The following HIP1 variants were observed in gnomAD, a reference collection of about 807,000 sequenced individuals.
HIP1 encodes huntingtin interacting protein 1.
In HIP1, 65 loss-of-function variants were observed where a neutral mutation model predicts 147.6. That is an observed-to-expected ratio of 0.44 (90% confidence interval 0.36 to 0.54). HIP1 has a LOEUF of 0.54. Ranked by LOEUF, HIP1 falls within the 20% of genes least tolerant of loss-of-function variation. The pLI is 0.00. For missense variants in HIP1, 1,061 were observed against 1,299.6 expected (o/e 0.82, Z 2.82); for synonymous variants, 479 against 504.0 (o/e 0.95, Z 0.67).
At chr7:75,574,977 G>T (rs1245332013) in intron 7 of HIP1, among the ~76,000 whole-genome samples, 1 of 151,392 alleles carries the variant, frequency 6.6e-6, no homozygotes, top group Non-Finnish European at 1.5e-5. Context: ...GAGCAACATG[G>T]CAAAACCTTA....
At chr7:75,696,956 C>G (rs782006015) in intron 1 of HIP1, among the ~76,000 whole-genome samples, 1 of 151,804 alleles carries the variant, frequency 6.6e-6, no homozygotes, top group African/African-American at 2.4e-5. Flanking sequence ...GGTCCTCCCC[C>G]CATCCCAAAA....
chr7:75,664,526 A>T lies in HIP1; in HGVS notation c.121-65279T>A, dbSNP rs1195061443. Among the ~76,000 whole-genome samples the T allele has an allele frequency of 2.0e-5, 3 of 150,712 alleles. No individual in the cohort carries two copies. The East Asian group carries it at 5.9e-4, about 29-fold the overall frequency. On this transcript the variant is annotated intron_variant, in intron 1 of 30. Coordinates refer to ENST00000336926, the MANE Select transcript of HIP1 (RefSeq NM_005338.7). ...TATATGTATGTGTATGTATACGTAT[A>T]CATACATATATACACATACATATAT...
At position 75,737,146 on chromosome 7, in the gene HIP1, G is replaced by T. The variant is rs544182881; in HGVS notation, c.120+1655C>A. ...TCAGTGTGTTGTCTAGGCAGGTATC[G>T]AACTCCTGGGATCAAGTGATCCTCC... On this transcript the variant is annotated intron_variant, in intron 1 of 30. Transcript: ENST00000336926. Among the ~76,000 whole-genome samples the T allele has an allele frequency of 3.3e-5, 5 of 152,140 alleles. No homozygotes were observed. The South Asian group carries it at 1.0e-3, about 32-fold the overall frequency.
rs782511140 is a variant in HIP1 at position 75,554,218 on chromosome 7, T to C, written c.2053A>G (p.Ile685Val). 1.6e-5 allele frequency: 25 copies of C among 1,612,622 alleles called. No individual in the cohort carries two copies. In the South Asian group the frequency reaches 1.6e-4, roughly 11 times the overall value. Residue 685 changes from isoleucine (I) to valine (V), a missense_variant and splice_region_variant, in exon 21 of 31, where the codon ATC (isoleucine) becomes GTC (valine). Transcript: ENST00000336926. The part of the protein sequence containing the change: ...WSQYLACPED[I>V]SGLLHSITLL... ...GTTATGGAATGGAGAAGTCCACTGATGTCTGCCAGGATTGGAAAGAGAAGT... is the reference window on the plus strand; with the variant it reads ...GTTATGGAATGGAGAAGTCCACTGACGTCTGCCAGGATTGGAAAGAGAAGT...
chr7:75,613,758 T>A (rs1554505465), intron 1 of HIP1, among the ~76,000 whole-genome samples: 1 of 152,156 alleles, frequency 6.6e-6, no homozygotes, highest in Non-Finnish European at 1.5e-5. Context: ...CTGCCTCACC[T>A]TCTGTTGCCC....
rs1318981932 is a variant in HIP1 at position 75,554,067 on chromosome 7, C to T, written c.2158+46G>A. The T allele has an allele frequency of 1.1e-5, 16 of 1,460,532 alleles. No homozygotes were observed. The East Asian group carries it at 2.8e-4, about 25-fold the overall frequency. The allele number at this position is 1,460,532 out of a possible 1,614,324, so 90.5% of individuals were successfully genotyped here. Reference sequence around the variant, plus strand: ...GCCCAACAGAGACTTTTAAAGGCCCCCTGCTCCCCTGGTCCATGAACAGCC... The same window carrying T: ...GCCCAACAGAGACTTTTAAAGGCCCTCTGCTCCCCTGGTCCATGAACAGCC... On this transcript the variant is annotated intron_variant, in intron 21 of 30. Coordinates refer to ENST00000336926, the MANE Select transcript of HIP1 (RefSeq NM_005338.7).
intron 1 of HIP1, among the ~76,000 whole-genome samples, chr7:75,688,742 C>A (rs1554517838): frequency 1.3e-5 from 2 of 152,166 alleles, no homozygotes; most frequent in African/African-American, 2.4e-5. Flanking sequence ...AGCTCTGCCC[C>A]CCAACAGCCA....
intron 2 of HIP1, among the ~76,000 whole-genome samples, chr7:75,597,776 C>T (rs191046255): frequency 3.3e-5 from 5 of 149,966 alleles, no homozygotes; most frequent in East Asian, 2.0e-4. Flanking sequence ...TCTGCTTGCC[C>T]GGAACTCCAC....
At chr7:75,627,680 T>C (rs2117114564) in intron 1 of HIP1, among the ~76,000 whole-genome samples, 1 of 152,318 alleles carries the variant, frequency 6.6e-6, no homozygotes, top group South Asian at 2.1e-4. Flanking sequence ...GCCAGAGAAC[T>C]GCCCATTTGA....
chr7:75,622,254 G>A (rs1371303018), intron 1 of HIP1, among the ~76,000 whole-genome samples: 2 of 150,472 alleles, frequency 1.3e-5, no homozygotes, highest in African/African-American at 4.9e-5. Flanking sequence ...TCTAGCCTGG[G>A]TGATAGAGTG....
chr7:75,684,698 A>C (rs1254329274), intron 1 of HIP1, among the ~76,000 whole-genome samples: 4 of 152,136 alleles, frequency 2.6e-5, no homozygotes, highest in Admixed American at 1.3e-4. Flanking sequence ...TTTACAATTA[A>C]AAATGAATTA....
intron 30 of HIP1, 104 bp downstream of exon 30, chr7:75,539,219 C>A: frequency 1.3e-6 from 1 of 745,270 alleles, no homozygotes. Flanking sequence ...AAGAAGCCAC[C>A]GATCTGGTGG....
In HIP1 at chr7:75,597,676, G is replaced by T. The variant is rs58422058; in HGVS notation, c.184+1508C>A. 1.7e-4 allele frequency among the ~76,000 whole-genome samples: 25 copies of T among 150,738 alleles called. No individual in the cohort carries two copies. In the East Asian group the frequency reaches 4.9e-3, roughly 29 times the overall value. ...GATCTCTTGAGCCTGGAAGGCGGAG[G>T]TTGCGGTGAGCTGAGATCATGCCAC... On this transcript the variant is annotated intron_variant, in intron 2 of 30. Transcript: ENST00000336926.
chr7:75,638,037 C>T (rs1168365545), intron 1 of HIP1, among the ~76,000 whole-genome samples: 1 of 137,684 alleles, frequency 7.3e-6, no homozygotes, highest in Non-Finnish European at 1.6e-5. Flanking sequence ...CACACACAGC[C>T]CACGACAGCT....
chr7:75,660,593 T>G (rs1554513461), intron 1 of HIP1, among the ~76,000 whole-genome samples: 1 of 152,112 alleles, frequency 6.6e-6, no homozygotes, highest in Non-Finnish European at 1.5e-5. Flanking sequence ...ATTACCAGAA[T>G]GCTACAGAGG....
chr7:75,645,857 C>T (rs1415041015), intron 1 of HIP1, among the ~76,000 whole-genome samples: 1 of 152,192 alleles, frequency 6.6e-6, no homozygotes, highest in Non-Finnish European at 1.5e-5. Flanking sequence ...CCAAATACTG[C>T]ATGTTCTCCC....
intron 4 of HIP1, among the ~76,000 whole-genome samples, chr7:75,591,725 A>C (rs1273658805): frequency 6.7e-6 from 1 of 149,882 alleles, no homozygotes; most frequent in African/African-American, 2.4e-5. Flanking sequence ...TCTCTACCAA[A>C]AAAAAAAAAA....
intron 1 of HIP1, among the ~76,000 whole-genome samples, chr7:75,679,275 G>A (rs916682028): frequency 5.3e-5 from 8 of 152,212 alleles, no homozygotes; most frequent in Non-Finnish European, 1.0e-4. Flanking sequence ...TGTGATCACA[G>A]CTCACTGCAG....
At chr7:75,726,958 T>C (rs1237127273) in intron 1 of HIP1, among the ~76,000 whole-genome samples, 2 of 152,058 alleles carry the variant, frequency 1.3e-5, no homozygotes, top group African/African-American at 4.8e-5. Context: ...ATTACAGGTG[T>C]GAGCCATTGT....
Sources: allele counts gnomAD v4.1 joint callset (sites outside exome capture counted in the v4.1 genomes callset), GRCh38; gene constraint gnomAD v4.1.1; transcripts MANE v1.5; gene names NCBI Gene and HGNC (gene_info 2026-07-23, HGNC 2026-07-21).